The following PTCH1 variants were observed in gnomAD, a reference collection of about 807,000 sequenced individuals.
PTCH1 encodes the protein protein patched homolog 1.
Under a neutral mutation model 144.6 loss-of-function variants are expected in PTCH1, and 14 were observed. The observed-to-expected ratio is 0.10, with a 90% CI of 0.06 to 0.15. The LOEUF (loss-of-function observed/expected upper bound fraction) is 0.15. Ranked by LOEUF, PTCH1 falls within the 10% of genes least tolerant of loss-of-function variation. PTCH1 has a pLI of 1.00. For missense variants in PTCH1, 1,623 were observed against 1,948.3 expected (o/e 0.83, Z 3.14); for synonymous variants, 833 against 793.6 (o/e 1.05, Z -0.83).
chr9:95,447,253 T>G lies in PTCH1; in HGVS notation c.4003A>C (p.Asn1335His), dbSNP rs1838020531. The G allele has an allele frequency of 1.2e-6, 2 of 1,612,816 alleles. No individual in the cohort carries two copies. Among genetic ancestry groups the G allele is most frequent in the Non-Finnish European group, 1.7e-6 (2 of 1,179,906 alleles). ...ISTEGHSGPS[N>H]RARWGPRGAR... ...CCGCGAGGGCCCCAGCGGGCCCTAT[T>G]GCTAGGGCCAGAATGCCCTTCAGTA... The change falls in exon 23 of 24, where the codon AAT becomes CAT. Residue 1335 changes from asparagine to histidine, a missense_variant. By Grantham distance (68) the Asn-to-His change is moderately conservative. Coordinates refer to ENST00000331920, the MANE Select transcript of PTCH1 (RefSeq NM_000264.5).
rs943632937 is a variant in PTCH1 at position 95,445,391 on chromosome 9, A to C, written c.*1002T>G. 2 of 152,178 alleles carry C rather than the reference A, an allele frequency of 1.3e-5. No individual in the cohort carries two copies. Among genetic ancestry groups the C allele is most frequent in the African/African-American group, 4.8e-5 (2 of 41,412 alleles). 9.4% of individuals were successfully genotyped at this position (152,178 alleles called of 1,614,324 possible). ...TATACAGACTCTCATGGCCCAGCCA[A>C]GGCTCAGCACTAGGCATGTCACCGA... is the stretch of plus-strand genomic sequence containing the variant. On this transcript the variant is annotated 3_prime_UTR_variant, in exon 24 of 24. Coordinates refer to ENST00000331920, the MANE Select transcript of PTCH1 (RefSeq NM_000264.5).
At chr9:95,514,613 AAAT>A (rs1844283867) in intron 1 of PTCH1, 2 of 146,600 alleles carry the variant, frequency 1.4e-5, no homozygotes, top group South Asian at 2.1e-4. Flanking sequence ...AGGCTGGAGA[AAAT>A]AAAAGGTGTG....
chr9:95,506,364 G>C (rs1178409689), intron 2 of PTCH1, 43 bp downstream of exon 2: 1 of 1,594,710 alleles, frequency 6.3e-7, no homozygotes, highest in Non-Finnish European at 8.6e-7. Context: ...ACCGCGAGGA[G>C]GGACCGGGCC....
At position 95,480,097 on chromosome 9, in the gene PTCH1, TAA is replaced by T; in HGVS notation, c.946-9_946-8del. On this transcript the variant is annotated splice_polypyrimidine_tract_variant and splice_region_variant and intron_variant, in intron 6 of 23. Transcript: ENST00000331920. The stretch of plus-strand genomic sequence containing the variant: ...CAAGGGCCATATCAAGAGGCTAAAA[TAA>T]AAAGACAGCCACATAATTATGGGAA... 6.2e-7 allele frequency: 1 copy of T among 1,613,726 alleles called. No homozygotes were observed. Among genetic ancestry groups the T allele is most frequent in the Non-Finnish European group, 8.5e-7 (1 of 1,179,972 alleles).
At chr9:95,480,215 G>A in intron 6 of PTCH1, 125 bp from the exon 7 acceptor site, 2 of 1,539,954 alleles carry the variant, frequency 1.3e-6, no homozygotes, top group Non-Finnish European at 1.8e-6. Flanking sequence ...CTAATGGGAG[G>A]TGTATGGCAA....
exon 1 of PTCH1, chr9:95,516,653 G>A: frequency 6.2e-7 from 1 of 1,611,694 alleles, no homozygotes; most frequent in Non-Finnish European, 8.5e-7. Context: ...TGTCTCCCCT[G>A]TCGTCTTTTT....
At position 95,449,618 on chromosome 9, in the gene PTCH1, T is replaced by C; in HGVS notation, c.3549+223A>G. Reference sequence around the variant, plus strand: ...TCTTCATTTACTGTATAAAGATCTGTAAGACCCAGGCTGCCAATCAGTTGA... The same window carrying C: ...TCTTCATTTACTGTATAAAGATCTGCAAGACCCAGGCTGCCAATCAGTTGA... On this transcript the variant is annotated intron_variant, in intron 21 of 23. Transcript: ENST00000331920. This position sits in a 1 kb window ranked among gnomAD's most constrained non-coding sequence, Gnocchi z 5.3. The C allele has an allele frequency of 6.2e-6, 4 of 647,270 alleles. 1 individual carries two copies. In the South Asian group the frequency reaches 7.7e-5, roughly 12 times the overall value. 40.1% of individuals were successfully genotyped at this position (647,270 alleles called of 1,614,324 possible).
At chr9:95,493,292 C>T (rs1842557720) in intron 2 of PTCH1, among the ~76,000 whole-genome samples, 1 of 152,182 alleles carries the variant, frequency 6.6e-6, no homozygotes, top group Admixed American at 6.5e-5. Flanking sequence ...AACCTTTTAG[C>T]AAAAGCTTAT....
upstream of PTCH1, among the ~76,000 whole-genome samples, chr9:95,511,374 G>A (rs1844154036): frequency 6.6e-6 from 1 of 152,080 alleles, no homozygotes; most frequent in Non-Finnish European, 1.5e-5. Flanking sequence ...CTCCTCCCCG[G>A]CTTCAGGGGG....
At chr9:95,506,624 G>C (rs747534052) in intron 1 of PTCH1, 25 bp from the exon 2 acceptor site, 1 of 1,573,800 alleles carries the variant, frequency 6.4e-7, no homozygotes, top group Non-Finnish European at 8.6e-7. Flanking sequence ...GAAGGGAGGA[G>C]TGAGCGCCGG....
In PTCH1 at chr9:95,449,086, C is replaced by T. The variant is rs752831580; in HGVS notation, c.3787G>A (p.Val1263Ile). ...QVIVEATENPVFAHSTVVHPE... is the reference protein window; with the variant it reads ...QVIVEATENPIFAHSTVVHPE... ...TCACTTACAGTGGAGTGGGCGAAGA[C>T]GGGGTTTTCTGTGGCTTCCACGATC... Residue 1263 changes from valine (V) to isoleucine (I), a missense_variant, in exon 22 of 24, where the codon GTC becomes ATC. Val to Ile is a conservative substitution (Grantham distance 29, BLOSUM62 3). Around this residue, in one of 7 missense-constraint regions of PTCH1, gnomAD observed 291 missense variants for 287.4 expected, o/e 1.01. Coordinates refer to ENST00000331920, the MANE Select transcript of PTCH1 (RefSeq NM_000264.5). This position sits in a 1 kb window ranked among gnomAD's most constrained non-coding sequence, Gnocchi z 5.3. The T allele has an allele frequency of 1.4e-5, 23 of 1,614,116 alleles. No individual in the cohort carries two copies. Among genetic ancestry groups the T allele is most frequent in the African/African-American group, 5.3e-5 (4 of 74,946 alleles).
At chr9:95,483,982 T>C (rs1841774740) in intron 3 of PTCH1, 1 of 152,190 alleles carries the variant, frequency 6.6e-6, no homozygotes, top group Non-Finnish European at 1.5e-5. Context: ...GGACAAATGC[T>C]CTAATTAGTC....
chr9:95,507,356 G>A (rs1843763451), intron 1 of PTCH1: 21 of 985,372 alleles, frequency 2.1e-5, no homozygotes, highest in Non-Finnish European at 2.4e-5. Flanking sequence ...CTGCTCCCCG[G>A]CGCGGCATTT....
intron 17 of PTCH1, among the ~76,000 whole-genome samples, chr9:95,459,017 G>A (rs139148461): frequency 1.2e-3 from 187 of 152,168 alleles, no homozygotes; most frequent in African/African-American, 3.7e-3. Context: ...CCCTTGGCCC[G>A]GTATCCAAAG....
chr9:95,495,946 G>A (rs1222222120), intron 2 of PTCH1, among the ~76,000 whole-genome samples: 5 of 152,148 alleles, frequency 3.3e-5, no homozygotes, highest in Admixed American at 6.5e-5. Flanking sequence ...GTGTGTGTGA[G>A]TGTGTGTGTT....
At chr9:95,477,739 G>A (rs764210999) in intron 9 of PTCH1, 37 bp from the exon 10 acceptor site, 7 of 1,611,266 alleles carry the variant, frequency 4.3e-6, no homozygotes, top group South Asian at 2.2e-5. Context: ...AACAAAAGCC[G>A]AACATTAGAA....
At chr9:95,456,577 C>G (rs1838950340) in intron 18 of PTCH1, among the ~76,000 whole-genome samples, 164 bp from the exon 19 acceptor site, 1 of 152,222 alleles carries the variant, frequency 6.6e-6, no homozygotes, top group Admixed American at 6.5e-5. Context: ...AATTCATCTT[C>G]CCGCTGGGAA....
rs576107587 is a variant in PTCH1, at chr9:95,456,164, C to T, written c.3306+112G>A. On this transcript the variant is annotated intron_variant, in intron 19 of 23. Coordinates refer to ENST00000331920, the MANE Select transcript of PTCH1 (RefSeq NM_000264.5). Reference sequence around the variant, plus strand: ...CCTAGGGGGCCCCTGTGCCCTGAGGCCTTTTCACTGCCACGCACAGGGAGA... The same window carrying T: ...CCTAGGGGGCCCCTGTGCCCTGAGGTCTTTTCACTGCCACGCACAGGGAGA... The T allele has an allele frequency of 2.6e-5, 39 of 1,513,024 alleles. No homozygotes were observed. In the South Asian group the frequency reaches 4.5e-4, roughly 17 times the overall value. The allele number at this position is 1,513,024 out of a possible 1,614,324, so 93.7% of individuals were successfully genotyped here.
At chr9:95,496,572 G>C (rs960450815) in intron 2 of PTCH1, among the ~76,000 whole-genome samples, 1 of 150,264 alleles carries the variant, frequency 6.7e-6, no homozygotes, top group Non-Finnish European at 1.5e-5. Flanking sequence ...GGTCATCCTA[G>C]TCCCCAAATC....
Sources: gnomAD v4.1 joint callset for allele counts (sites outside exome capture counted in the v4.1 genomes callset) on GRCh38, gnomAD v4.1.1 for gene constraint, gnomAD v4.1.1 regional missense constraint, Gnocchi (gnomAD v3.1) non-coding constraint, MANE v1.5 for transcripts, NCBI Gene and HGNC (gene_info 2026-07-23, HGNC 2026-07-21) for gene names.